The following PROM2 variants were observed in gnomAD, a reference collection of about 807,000 sequenced individuals.
PROM2 encodes prominin 2, also known as prominin-2.
Under a neutral mutation model 110.2 loss-of-function variants are expected in PROM2, and 90 were observed. The observed-to-expected ratio is 0.82, with a 90% CI of 0.69 to 0.97. The LOEUF is 0.97. Among genes scored for constraint, PROM2 ranks in the 50% least tolerant of loss-of-function variants. The pLI is 0.00. For missense variants in PROM2, 1,009 were observed against 1,074.8 expected (o/e 0.94, Z 0.86); for synonymous variants, 470 against 467.8 (o/e 1.00, Z -0.06).
chr2:95,276,540 G>GT lies in PROM2; in HGVS notation c.619-53dup, dbSNP rs1676674349. ...GGGAAGGGGCCAGGGAGAGAAGGGCGTAAGGACTGTGGGTGACCAGGAAGG... is the reference window on the plus strand; with the variant it reads ...GGGAAGGGGCCAGGGAGAGAAGGGCGTTAAGGACTGTGGGTGACCAGGAAGG... On this transcript the variant is annotated intron_variant, in intron 4 of 23. Coordinates refer to ENST00000317620, the MANE Select transcript of PROM2 (RefSeq NM_001165978.3). The surrounding 1 kb of genome is among the most constrained non-coding windows in gnomAD (Gnocchi z 4.6). 6.2e-7 allele frequency: 1 copy of GT among 1,611,836 alleles called. No individual in the cohort carries two copies. The highest frequency in any genetic ancestry group is 1.3e-5 in the African/African-American group (1 of 74,902).
rs750563088 is a variant in PROM2 at position 95,288,550 on chromosome 2, A to G, written c.2402A>G (p.Lys801Arg). Residue 801 changes from lysine to arginine, a missense_variant, in exon 22 of 24, where the codon AAG becomes AGG. Lys to Arg is a conservative substitution (Grantham distance 26). Transcript: ENST00000317620. Reference protein sequence around the residue: ...FLIPSIIFAVKTSKYFRPIRK... With the variant: ...FLIPSIIFAVRTSKYFRPIRK... ...ATCCCCAGCATCATCTTTGCCGTCAAGACCTCCAAATACTTCCGTCCTATC... is the reference window on the plus strand; with the variant it reads ...ATCCCCAGCATCATCTTTGCCGTCAGGACCTCCAAATACTTCCGTCCTATC... 6.2e-7 allele frequency: 1 copy of G among 1,614,214 alleles called. No homozygotes were observed. Among genetic ancestry groups the G allele is most frequent in the Non-Finnish European group, 8.5e-7 (1 of 1,180,040 alleles).
intron 7 of PROM2, 151 bp from the exon 8 acceptor site, chr2:95,277,779 C>A: frequency 1.3e-6 from 1 of 795,526 alleles, no homozygotes; most frequent in Non-Finnish European, 2.0e-6. Flanking sequence ...TGAGTTCTTG[C>A]TGCCACCAGG....
rs745714478 is a variant in PROM2 at position 95,275,028 on chromosome 2, A to G, written c.244+199A>G. On this transcript the variant is annotated intron_variant, in intron 1 of 23. Transcript: ENST00000317620. The surrounding 1 kb of genome is among the most constrained non-coding windows in gnomAD (Gnocchi z 4.4). The stretch of plus-strand genomic sequence containing the variant: ...AAGCCTCACTTCCTCTCTGAGCCTC[A>G]GGTGCTCTGTCTGTAAAGTGAGGAG... 5.9e-5 allele frequency: 35 copies of G among 590,128 alleles called. No individual in the cohort carries two copies. The highest frequency in any genetic ancestry group is 9.4e-5 in the African/African-American group (5 of 52,954). The allele number at this position is 590,128 out of a possible 1,614,324, so 36.6% of individuals were successfully genotyped here.
At position 95,287,430 on chromosome 2, in the gene PROM2, A is replaced by G; in HGVS notation, c.2210A>G (p.Tyr737Cys). 1.9e-6 allele frequency: 3 copies of G among 1,613,978 alleles called. No individual in the cohort carries two copies. Among genetic ancestry groups the G allele is most frequent in the South Asian group, 1.1e-5 (1 of 91,070 alleles). Reference protein sequence around the residue: ...SECFLAREMGYFSQYVAWVRE... With the variant: ...SECFLAREMGCFSQYVAWVRE... ...TGTTTCCTGGCCCGGGAGATGGGCT[A>G]CTTCTCCCAGTACGTGGCCTGGGTG... Residue 737 changes from tyrosine (Y) to cysteine (C), a missense_variant, in exon 20 of 24, where the codon TAC becomes TGC. By Grantham distance (194) the Tyr-to-Cys change is radical. Transcript: ENST00000317620.
In PROM2 at chr2:95,279,445, C is replaced by T. The variant is rs188349882; in HGVS notation, c.1274+301C>T. The stretch of plus-strand genomic sequence containing the variant: ...CCAAGTAGCTGGGACTACAGGCGTG[C>T]GCCACCACGCCCAGCTAATTTTTGC... On this transcript the variant is annotated intron_variant, in intron 10 of 23. Transcript: ENST00000317620. Among the ~76,000 whole-genome samples, 826 of 152,054 alleles carry T rather than the reference C, an allele frequency of 5.4e-3. 6 individuals are homozygous for T. The highest frequency in any genetic ancestry group is 0.018 in the African/African-American group (762 of 41,472).
At chr2:95,289,196 C>T in intron 23 of PROM2, 28 bp from the exon 24 acceptor site, 1 of 599,610 alleles carries the variant, frequency 1.7e-6, no homozygotes, top group Admixed American at 2.9e-5. Context: ...CCCTCCCCTT[C>T]ACCCGTTTCC....
chr2:95,279,786 G>A lies in PROM2; in HGVS notation c.1275-59G>A, dbSNP rs558521248. The A allele has an allele frequency of 6.6e-6, 9 of 1,355,938 alleles. No homozygotes were observed. In the South Asian group the frequency reaches 1.7e-4, roughly 25 times the overall value. The allele number at this position is 1,355,938 out of a possible 1,614,324, so 84.0% of individuals were successfully genotyped here. A position where few individuals can be genotyped will look rare whatever the true frequency, so the allele number is the denominator to read the frequency against. ...CACCCGGTCGCCACGTCCCGCACCT[G>A]TCCATGTTGGTGCCAGCCACCTCCT... On this transcript the variant is annotated intron_variant, in intron 10 of 23. Transcript: ENST00000317620.
At chr2:95,285,785 T>C in intron 16 of PROM2, 75 bp downstream of exon 16, 8 of 1,423,480 alleles carry the variant, frequency 5.6e-6, no homozygotes, top group Non-Finnish European at 7.7e-6. Flanking sequence ...GGTGGGAGGA[T>C]GTGAGGGCAA....
intron 23 of PROM2, 22 bp downstream of exon 23, chr2:95,289,028 T>A: frequency 1.9e-6 from 3 of 1,565,506 alleles, no homozygotes; most frequent in Non-Finnish European, 2.6e-6. Context: ...CCAACTCGCT[T>A]AATTGCTCCC....
intron 15 of PROM2, among the ~76,000 whole-genome samples, 164 bp downstream of exon 15, chr2:95,285,279 C>T (rs1425869194): frequency 1.3e-5 from 2 of 152,184 alleles, no homozygotes; most frequent in Non-Finnish European, 2.9e-5. Flanking sequence ...TGCCCCTGGG[C>T]CTGTCCTCCT....
chr2:95,285,554 TG>T, intron 15 of PROM2, 84 bp from the exon 16 acceptor site: 1 of 1,110,906 alleles, frequency 9.0e-7, no homozygotes, highest in Non-Finnish European at 1.3e-6. Context: ...TTGATAAGAC[TG>T]GGGATTTGGA....
chr2:95,287,109 A>G, intron 18 of PROM2, 24 bp from the exon 19 acceptor site: 1 of 1,602,024 alleles, frequency 6.2e-7, no homozygotes. Flanking sequence ...TGGGACACTG[A>G]GTTGAGGCTC....
intron 8 of PROM2, chr2:95,278,375 G>A: frequency 1.9e-6 from 1 of 530,662 alleles, no homozygotes. Flanking sequence ...TGGGTGGCTG[G>A]AGTGGAAGGT....
chr2:95,281,828 G>A, intron 12 of PROM2, 97 bp from the exon 13 acceptor site: 2 of 849,890 alleles, frequency 2.4e-6, no homozygotes, highest in Admixed American at 1.8e-5. Flanking sequence ...CCCCTGGTCT[G>A]TGCTGTGCCA....
intron 9 of PROM2, 85 bp downstream of exon 9, chr2:95,278,869 G>C (rs1412332657): frequency 1.2e-5 from 19 of 1,606,280 alleles, no homozygotes; most frequent in Non-Finnish European, 1.2e-5. Context: ...AGAGGACTGG[G>C]GTGGCGGGGG....
chr2:95,276,170 G>A lies in PROM2; in HGVS notation c.497+38G>A, dbSNP rs751058617. On this transcript the variant is annotated intron_variant, in intron 3 of 23. Transcript: ENST00000317620. The surrounding 1 kb of genome is among the most constrained non-coding windows in gnomAD (Gnocchi z 4.6). ...CCAGGGCCCGGGTAGGGCGGGCTGTGGCCCCCAGGCTCCCTCTTACCCAGC... is the reference window on the plus strand; with the variant it reads ...CCAGGGCCCGGGTAGGGCGGGCTGTAGCCCCCAGGCTCCCTCTTACCCAGC... The A allele has an allele frequency of 7.4e-6, 12 of 1,612,110 alleles. No individual in the cohort carries two copies. The highest frequency in any genetic ancestry group is 1.0e-5 in the Non-Finnish European group (12 of 1,178,916).
At position 95,288,226 on chromosome 2, in the gene PROM2, G is replaced by T. The variant is rs953956881; in HGVS notation, c.2260G>T (p.Ala754Ser). 2 of 1,613,660 alleles carry T rather than the reference G, an allele frequency of 1.2e-6. No homozygotes were observed. The highest frequency in any genetic ancestry group is 1.3e-5 in the African/African-American group (1 of 74,904). The change falls in exon 21 of 24, where the codon GCC becomes TCC. Residue 754 changes from alanine to serine, a missense_variant. Transcript: ENST00000317620. ...GGCGCCACAGGTGACTCAGCGCATT[G>T]CCACCTGCCAGCCCCTCTCCGGAGC... ...WVREEVTQRI[A>S]TCQPLSGALD...
chr2:95,276,285 A>G lies in PROM2; in HGVS notation c.556A>G (p.Ser186Gly). 2 of 1,613,866 alleles carry G rather than the reference A, an allele frequency of 1.2e-6. No homozygotes were observed. ...GCGCACGCATGAACAGATGGGCCCC[A>G]GCATCGAGGCCATGCCTGAGACCCT... ...NQRTHEQMGP[S>G]IEAMPETLLS... Residue 186 changes from serine (S) to glycine (G), a missense_variant, in exon 4 of 24, where the codon AGC becomes GGC. Ser to Gly is a moderately conservative substitution (Grantham distance 56, BLOSUM62 0). Coordinates refer to ENST00000317620, the MANE Select transcript of PROM2 (RefSeq NM_001165978.3). The surrounding 1 kb of genome is among the most constrained non-coding windows in gnomAD (Gnocchi z 4.6).
rs1437336756 is a variant in PROM2, at chr2:95,275,942, G to A, written c.307G>A (p.Glu103Lys). 1.1e-5 allele frequency: 18 copies of A among 1,610,894 alleles called. No homozygotes were observed. Among genetic ancestry groups the A allele is most frequent in the Non-Finnish European group, 1.4e-5 (16 of 1,179,378 alleles). ...SVKVNEVVRY[E>K]AGYVVCAVIA... ...GCTGCCTGCCCAGGTGGTGCGGTAC[G>A]AGGCGGGCTACGTGGTATGCGCTGT... Residue 103 changes from glutamate (E) to lysine (K), a missense_variant, in exon 3 of 24, where the codon GAG (glutamate) becomes AAG (lysine). Glu to Lys is a moderately conservative substitution (Grantham distance 56). Transcript: ENST00000317620. This position sits in a 1 kb window ranked among gnomAD's most constrained non-coding sequence, Gnocchi z 4.4.
Sources: gnomAD v4.1 joint callset for allele counts (sites outside exome capture counted in the v4.1 genomes callset) on GRCh38, gnomAD v4.1.1 for gene constraint, Gnocchi (gnomAD v3.1) non-coding constraint, MANE v1.5 for transcripts, NCBI Gene and HGNC (gene_info 2026-07-23, HGNC 2026-07-21) for gene names.